The following ANK3 variants were observed in gnomAD, a reference collection of about 807,000 sequenced individuals.
The protein encoded by ANK3 is ankyrin-3.
In ANK3, 57 loss-of-function variants were observed where a neutral mutation model predicts 370.9. The observed-to-expected ratio is 0.15, with a 90% confidence interval of 0.12 to 0.19. The LOEUF (loss-of-function observed/expected upper bound fraction) is 0.19, where lower values mean the gene tolerates loss of function less well. Ranked by LOEUF, ANK3 falls within the 10% of genes least tolerant of loss-of-function variation. ANK3 has a pLI of 1.00. For synonymous variants in ANK3, 1,929 were observed against 1,946.3 expected (o/e 0.99, Z 0.23); for missense variants, 4,439 against 5,302.1 (o/e 0.84, Z 5.06).
intron 2 of ANK3, among the ~76,000 whole-genome samples, chr10:60,524,698 C>G (rs1595204096): frequency 6.6e-6 from 1 of 152,102 alleles, no homozygotes; most frequent in African/African-American, 2.4e-5. Context: ...TGAAAACAGA[C>G]TAATACAACC....
intron 1 of ANK3, among the ~76,000 whole-genome samples, chr10:60,319,632 G>A (rs769217202): frequency 5.3e-5 from 8 of 152,076 alleles, no homozygotes; most frequent in African/African-American, 9.7e-5. Flanking sequence ...TGGGCACCAG[G>A]CACTACACTC....
chr10:60,383,221 A>G (rs2061786643), intron 1 of ANK3, among the ~76,000 whole-genome samples: 1 of 152,138 alleles, frequency 6.6e-6, no homozygotes, highest in South Asian at 2.1e-4. Context: ...TACTCACACT[A>G]TAGTCCGTTT....
At chr10:60,465,994 CAGTT>C (rs2133067116) in intron 2 of ANK3, among the ~76,000 whole-genome samples, 1 of 152,124 alleles carries the variant, frequency 6.6e-6, no homozygotes, top group East Asian at 1.9e-4. Flanking sequence ...CAATGATTCA[CAGTT>C]AGTTGGAGAG....
At chr10:60,559,262 C>T (rs778904571) in intron 2 of ANK3, among the ~76,000 whole-genome samples, 10 of 152,088 alleles carry the variant, frequency 6.6e-5, no homozygotes, top group African/African-American at 1.7e-4. Flanking sequence ...TCCCTCACCA[C>T]CCCCCAACCC....
At chr10:60,168,190 T>G (rs1236249937) in intron 21 of ANK3, among the ~76,000 whole-genome samples, 1 of 152,156 alleles carries the variant, frequency 6.6e-6, no homozygotes, top group Non-Finnish European at 1.5e-5. Flanking sequence ...CACGCCCAGC[T>G]AATTTTTGTA....
chr10:60,237,562 A>G (rs1289792002), intron 7 of ANK3, among the ~76,000 whole-genome samples: 1 of 152,158 alleles, frequency 6.6e-6, no homozygotes, highest in Non-Finnish European at 1.5e-5. Context: ...GTGGATGTGT[A>G]GATGACAAAA....
chr10:60,256,411 C>T (rs1406652113), intron 7 of ANK3, among the ~76,000 whole-genome samples: 1 of 152,198 alleles, frequency 6.6e-6, no homozygotes, highest in Non-Finnish European at 1.5e-5. Context: ...AATGCTCATC[C>T]ATGGATACTG....
chr10:60,330,475 A>G (rs780582543), intron 1 of ANK3, among the ~76,000 whole-genome samples: 2 of 152,216 alleles, frequency 1.3e-5, no homozygotes, highest in Non-Finnish European at 2.9e-5. Flanking sequence ...ATGAACAGAC[A>G]CTTCTCAAAA....
chr10:60,033,596 T>C (rs1203815466), intron 43 of ANK3, among the ~76,000 whole-genome samples: 2 of 150,182 alleles, frequency 1.3e-5, no homozygotes, highest in South Asian at 2.1e-4. Context: ...CAGTTAAATA[T>C]GTACTGCATA....
At chr10:60,611,971 T>C (rs777609131) in intron 2 of ANK3, among the ~76,000 whole-genome samples, 39 of 152,076 alleles carry the variant, frequency 2.6e-4, no homozygotes, top group Non-Finnish European at 4.0e-4. Flanking sequence ...GACACTCTTA[T>C]CTCATTCAAT....
chr10:60,690,123 T>A (rs1435561671), intron 1 of ANK3, among the ~76,000 whole-genome samples: 1 of 152,212 alleles, frequency 6.6e-6, no homozygotes, highest in Non-Finnish European at 1.5e-5. Flanking sequence ...CGTTCCAAGA[T>A]GGCCGAATAG....
At chr10:60,285,960 G>C (rs1034053378) in intron 1 of ANK3, among the ~76,000 whole-genome samples, 2 of 151,956 alleles carry the variant, frequency 1.3e-5, no homozygotes, top group Non-Finnish European at 2.9e-5. Flanking sequence ...CTTCCAGAAA[G>C]TTATGTGTAC....
chr10:60,595,222 G>A (rs996875171), intron 2 of ANK3, among the ~76,000 whole-genome samples: 4 of 152,046 alleles, frequency 2.6e-5, no homozygotes, highest in Non-Finnish European at 5.9e-5. Context: ...CAAGATAGGA[G>A]AATTGCAATA....
At chr10:60,100,233 G>GCTTTTTTT (rs2090959624) in intron 28 of ANK3, among the ~76,000 whole-genome samples, 1 of 20,294 alleles carries the variant, frequency 4.9e-5, no homozygotes, top group Non-Finnish European at 7.9e-5. Flanking sequence ...ATTTTGCTAT[G>GCTTTTTTT]GTTTTTTTTT....
chr10:60,158,685 C>CTTTTTTTTTTCT (rs141741941), intron 23 of ANK3, among the ~76,000 whole-genome samples: 3 of 132,756 alleles, frequency 2.3e-5, no homozygotes, highest in South Asian at 4.8e-4. Context: ...CACTTTTTTT[C>CTTTTTTTTTTCT]TTTTTTTTGA....
chr10:60,694,815 G>A (rs1451164373), intron 1 of ANK3, among the ~76,000 whole-genome samples: 13 of 150,410 alleles, frequency 8.6e-5, no homozygotes, highest in African/African-American at 2.0e-4. Context: ...AAAGACCATC[G>A]AGACTAGGAA....
At chr10:60,348,124 T>C (rs1050770575) in intron 1 of ANK3, among the ~76,000 whole-genome samples, 1 of 151,858 alleles carries the variant, frequency 6.6e-6, no homozygotes, top group African/African-American at 2.4e-5. Flanking sequence ...TCATTGGCAA[T>C]AGGATGAGGA....
chr10:60,375,507 G>T (rs972964797), intron 1 of ANK3, among the ~76,000 whole-genome samples: 9 of 151,956 alleles, frequency 5.9e-5, no homozygotes, highest in Admixed American at 2.0e-4. Flanking sequence ...GGGGGGGGAG[G>T]GGGGAAGGAC....
Position 60,070,330 on chromosome 10 carries a change from A to G in ANK3, c.10551T>C (p.Asp3517=), listed in dbSNP as rs372831314. 14 of 1,614,044 alleles carry G rather than the reference A, an allele frequency of 8.7e-6. No homozygotes were observed. The highest frequency in any genetic ancestry group is 2.7e-5 in the African/African-American group (2 of 74,930). Residue 3517 remains aspartate, a synonymous_variant, in exon 37 of 44, where the codon GAT becomes GAC. Coordinates refer to ENST00000280772, the MANE Select transcript of ANK3 (RefSeq NM_020987.5). The surrounding 1 kb of genome is among the most constrained non-coding windows in gnomAD (Gnocchi z 5.7). ...GRHPDRSVFP[D]TYFSYKVDEE... ...CATCTACTTTGTAACTGAAGTAAGTATCAGGAAACACTGATCTGTCAGGAT... is the reference window on the plus strand; with the variant it reads ...CATCTACTTTGTAACTGAAGTAAGTGTCAGGAAACACTGATCTGTCAGGAT...
Sources: allele counts gnomAD v4.1 joint callset (sites outside exome capture counted in the v4.1 genomes callset), GRCh38; gene constraint gnomAD v4.1.1; non-coding constraint Gnocchi (gnomAD v3.1); transcripts MANE v1.5; gene names NCBI Gene and HGNC (gene_info 2026-07-23, HGNC 2026-07-21).